SMIM3: variants seen among roughly 807,000 people sequenced by gnomAD.
SMIM3 encodes NGF-induced differentiation clone 67 protein.
Under a neutral mutation model 2.1 loss-of-function variants are expected in SMIM3, and 4 were observed. The ratio of observed to expected loss-of-function variants is 1.89; its 90% confidence interval spans 0.93 to 4.31. The LOEUF is 4.31. Among genes scored for constraint, SMIM3 ranks in the 30% most tolerant of loss-of-function variants. The probability of loss-of-function intolerance (pLI) is 0.01; values close to 1 mark genes in which losing one functional copy is unlikely to be tolerated. For missense variants in SMIM3, 79 were observed against 77.7 expected, an observed-to-expected ratio of 1.02 and a Z score of -0.06; for synonymous variants, 29 against 30.8, an observed-to-expected ratio of 0.94 and a Z score of 0.19.
intron 1 of SMIM3, among the ~76,000 whole-genome samples, chr5:150,786,952 G>T (rs1218146192): frequency 6.6e-6 from 1 of 152,178 alleles, no homozygotes; most frequent in East Asian, 1.9e-4. Context: ...TTAATTTCAG[G>T]AGCTATGATA....
chr5:150,795,439 A>C lies in SMIM3; in HGVS notation c.-2A>C, dbSNP rs1464261951. 6.2e-7 allele frequency: 1 copy of C among 1,613,992 alleles called. No individual in the cohort carries two copies. Among genetic ancestry groups the C allele is most frequent in the Non-Finnish European group, 8.5e-7 (1 of 1,179,878 alleles). On this transcript the variant is annotated 5_prime_UTR_variant, in exon 2 of 2. Transcript: ENST00000526627. ...TTCTTGTCTGTTGCAGAGTGAAGCAACATGGATGCAGTCAGCCAAGTCCCC... is the reference window on the plus strand; with the variant it reads ...TTCTTGTCTGTTGCAGAGTGAAGCACCATGGATGCAGTCAGCCAAGTCCCC...
intron 1 of SMIM3, among the ~76,000 whole-genome samples, chr5:150,785,009 T>C (rs1257093684): frequency 6.6e-6 from 1 of 152,122 alleles, no homozygotes; most frequent in Non-Finnish European, 1.5e-5. Flanking sequence ...AATACTTTAA[T>C]TCTATTTCTT....
At chr5:150,779,389 C>G (rs1753208545) in intron 1 of SMIM3, among the ~76,000 whole-genome samples, 1 of 152,172 alleles carries the variant, frequency 6.6e-6, no homozygotes, top group African/African-American at 2.4e-5. Flanking sequence ...TTGGGCGCTG[C>G]GCTGGGTTTG....
At chr5:150,787,365 A>C (rs1753303781) in intron 1 of SMIM3, among the ~76,000 whole-genome samples, 1 of 152,202 alleles carries the variant, frequency 6.6e-6, no homozygotes. Flanking sequence ...CAAATTGTCT[A>C]GTTCACCATT....
At chr5:150,780,506 A>G (rs754506676) in intron 1 of SMIM3, among the ~76,000 whole-genome samples, 3 of 152,230 alleles carry the variant, frequency 2.0e-5, no homozygotes, top group Non-Finnish European at 4.4e-5. Context: ...ACTCTCCCAC[A>G]AGTGACCTCT....
At chr5:150,781,934 T>C (rs1207899921) in intron 1 of SMIM3, among the ~76,000 whole-genome samples, 1 of 152,240 alleles carries the variant, frequency 6.6e-6, no homozygotes, top group Non-Finnish European at 1.5e-5. Flanking sequence ...TCTAAGACTC[T>C]GTGATTGGCT....
rs990867201 is a variant in SMIM3, at chr5:150,795,800, G to A, written c.*177G>A. 6 of 652,840 alleles carry A rather than the reference G, an allele frequency of 9.2e-6. No individual in the cohort carries two copies. Among genetic ancestry groups the A allele is most frequent in the Non-Finnish European group, 1.3e-5 (5 of 387,408 alleles). 40.4% of individuals were successfully genotyped at this position (652,840 alleles called of 1,614,324 possible). A position where few individuals can be genotyped will look rare whatever the true frequency, so the allele number is the denominator to read the frequency against. On this transcript the variant is annotated 3_prime_UTR_variant, in exon 2 of 2. Transcript: ENST00000526627. ...AGGGACCTAACTCTCTGAGTTCCAG[G>A]TTCCTTATCTTTCAAATGGGGATGG...
chr5:150,780,478 A>C (rs1753220279), intron 1 of SMIM3, among the ~76,000 whole-genome samples: 1 of 152,196 alleles, frequency 6.6e-6, no homozygotes, highest in African/African-American at 2.4e-5. Context: ...TGTGGGGGTT[A>C]CAAGTCATGC....
At chr5:150,782,974 G>A (rs537061010) in intron 1 of SMIM3, among the ~76,000 whole-genome samples, 3 of 152,262 alleles carry the variant, frequency 2.0e-5, no homozygotes, top group African/African-American at 7.2e-5. Flanking sequence ...TAGGAAAAAA[G>A]CCAATAAAAA....
intron 1 of SMIM3, among the ~76,000 whole-genome samples, chr5:150,783,047 A>G (rs574441564): frequency 6.6e-6 from 1 of 152,364 alleles, no homozygotes; most frequent in East Asian, 1.9e-4. Flanking sequence ...ATAAAACAAG[A>G]TAAGAGTGAT....
chr5:150,795,524 G>C lies in SMIM3; in HGVS notation c.84G>C (p.Leu28=). 6.2e-7 allele frequency: 1 copy of C among 1,612,794 alleles called. No individual in the cohort carries two copies. The highest frequency in any genetic ancestry group is 8.5e-7 in the Non-Finnish European group (1 of 1,179,832). Residue 28 remains leucine, a synonymous_variant, in exon 2 of 2, where the codon CTG becomes CTC. Coordinates refer to ENST00000526627, the MANE Select transcript of SMIM3 (RefSeq NM_032947.5). ...LDIWVIVLII[L]ATIVIMTSLL... ...TCTGGGTTATTGTCCTCATCATCCT[G>C]GCCACCATTGTCATCATGACCTCGT...
rs572838864 is a variant in SMIM3 at position 150,796,280 on chromosome 5, T to A, written c.*657T>A. 9.8e-5 allele frequency: 15 copies of A among 152,894 alleles called. No individual in the cohort carries two copies. The highest frequency in any genetic ancestry group is 3.6e-4 in the African/African-American group (15 of 41,504). 9.5% of individuals were successfully genotyped at this position (152,894 alleles called of 1,614,324 possible). A position where few individuals can be genotyped will look rare whatever the true frequency, so the allele number is the denominator to read the frequency against. ...TGATGGGCTTCTTTCTGCACTGGAG[T>A]CTCACATCTGTTAGCTTTGACACTC... On this transcript the variant is annotated 3_prime_UTR_variant, in exon 2 of 2. Coordinates refer to ENST00000526627, the MANE Select transcript of SMIM3 (RefSeq NM_032947.5).
At position 150,795,660 on chromosome 5, in the gene SMIM3, G is replaced by T; in HGVS notation, c.*37G>T. The stretch of plus-strand genomic sequence containing the variant: ...GAGGGCCGGGTGAGGGATGAGGACA[G>T]GCATCCTATCCCCAGCCTCTTCCTG... On this transcript the variant is annotated 3_prime_UTR_variant, in exon 2 of 2. Coordinates refer to ENST00000526627, the MANE Select transcript of SMIM3 (RefSeq NM_032947.5). 6.5e-7 allele frequency: 1 copy of T among 1,529,816 alleles called. No individual in the cohort carries two copies. The highest frequency in any genetic ancestry group is 2.4e-5 in the East Asian group (1 of 40,960). The allele number at this position is 1,529,816 out of a possible 1,614,324, so 94.8% of individuals were successfully genotyped here.
chr5:150,795,858 G>A lies in SMIM3; in HGVS notation c.*235G>A, dbSNP rs76541893. On this transcript the variant is annotated 3_prime_UTR_variant, in exon 2 of 2. Transcript: ENST00000526627. The stretch of plus-strand genomic sequence containing the variant: ...TGCCCTTTCTACCTCATAGGGATGT[G>A]AGAACCACCTGACTTAGTGGATGTG... The A allele has an allele frequency of 0.015, 8,428 of 550,532 alleles. 230 individuals are homozygous for A. The highest frequency in any genetic ancestry group is 0.066 in the South Asian group (3,001 of 45,796). The allele number at this position is 550,532 out of a possible 1,614,324, so 34.1% of individuals were successfully genotyped here.
chr5:150,779,889 G>T (rs1349976546), intron 1 of SMIM3, among the ~76,000 whole-genome samples: 1 of 141,874 alleles, frequency 7.0e-6, no homozygotes, highest in Non-Finnish European at 1.5e-5. Flanking sequence ...CTGATTGAGG[G>T]CCAGGCTGGG....
intron 1 of SMIM3, among the ~76,000 whole-genome samples, chr5:150,783,100 C>T (rs1006293578): frequency 6.6e-6 from 1 of 152,166 alleles, no homozygotes; most frequent in African/African-American, 2.4e-5. Flanking sequence ...TAAAACGTAA[C>T]ATTTAGGTTG....
intron 1 of SMIM3, among the ~76,000 whole-genome samples, chr5:150,790,186 A>T (rs1753336085): frequency 6.6e-6 from 1 of 152,100 alleles, no homozygotes; most frequent in Non-Finnish European, 1.5e-5. Flanking sequence ...TTCTAGCTTT[A>T]ATGTTCCAGG....
intron 1 of SMIM3, among the ~76,000 whole-genome samples, chr5:150,779,983 C>G (rs1190017917): frequency 3.3e-5 from 5 of 152,152 alleles, no homozygotes; most frequent in Non-Finnish European, 5.9e-5. Flanking sequence ...TCCGGTTCAT[C>G]TGTGGTGAAT....
intron 1 of SMIM3, among the ~76,000 whole-genome samples, chr5:150,785,023 G>A (rs1279451421): frequency 6.8e-6 from 1 of 146,624 alleles, no homozygotes; most frequent in African/African-American, 2.5e-5. Flanking sequence ...ATTTCTTCCA[G>A]AATTTGTTTG....
Sources: allele counts gnomAD v4.1 joint callset (sites outside exome capture counted in the v4.1 genomes callset), GRCh38; gene constraint gnomAD v4.1.1; transcripts MANE v1.5; gene names NCBI Gene and HGNC (gene_info 2026-07-23, HGNC 2026-07-21).